The following EPAS1 variants were observed in gnomAD, a reference collection of about 807,000 sequenced individuals.
The protein encoded by EPAS1 is endothelial PAS domain-containing protein 1.
Under a neutral mutation model 87.9 loss-of-function variants are expected in EPAS1, and 23 were observed. That is an observed-to-expected ratio of 0.26 (90% CI 0.19 to 0.37). The LOEUF is 0.37. Among genes scored for constraint, EPAS1 ranks in the 10% least tolerant of loss-of-function variants. EPAS1 has a pLI of 1.00. For missense variants in EPAS1, 1,138 were observed against 1,120.7 expected (o/e 1.02, Z -0.22); for synonymous variants, 508 against 444.3 (o/e 1.14, Z -1.80).
chr2:46,356,129 TCCCAC>T lies in EPAS1; in HGVS notation c.218-18_218-14del. The T allele has an allele frequency of 2.9e-5, 36 of 1,242,240 alleles. No homozygotes were observed. The highest frequency in any genetic ancestry group is 3.8e-5 in the Non-Finnish European group (34 of 884,750). The allele number at this position is 1,242,240 out of a possible 1,614,324, so 77.0% of individuals were successfully genotyped here. ...TTTCACTCCACATTCATGCAAGCTG[TCCCAC>T]CCCCCCCCCTTTCCAGTTTGCTCTG... On this transcript the variant is annotated splice_polypyrimidine_tract_variant and intron_variant, in intron 2 of 15. Coordinates refer to ENST00000263734, the MANE Select transcript of EPAS1 (RefSeq NM_001430.5).
In EPAS1 at chr2:46,376,534, A is replaced by AT. The variant is rs746166920; in HGVS notation, c.1035-3dup. The AT allele has an allele frequency of 1.2e-6, 2 of 1,613,890 alleles. No homozygotes were observed. The highest frequency in any genetic ancestry group is 4.5e-5 in the East Asian group (2 of 44,884). ...AAGTCTGAATGGCTCTTTCCCCCCC[A>AT]TTAGTGAGATTGAGAAGAATGACGT... On this transcript the variant is annotated splice_region_variant and splice_polypyrimidine_tract_variant and intron_variant, in intron 8 of 15. Coordinates refer to ENST00000263734, the MANE Select transcript of EPAS1 (RefSeq NM_001430.5).
chr2:46,324,242 T>C (rs1683510137), intron 1 of EPAS1, among the ~76,000 whole-genome samples: 1 of 152,126 alleles, frequency 6.6e-6, no homozygotes, highest in South Asian at 2.1e-4. Flanking sequence ...AATTTTTTTG[T>C]ATTTTTAGTA....
rs137876262 is a variant in EPAS1, at chr2:46,384,546, C to G, written c.2499C>G (p.Ser833=). 10 of 1,614,214 alleles carry G rather than the reference C, an allele frequency of 6.2e-6. No individual in the cohort carries two copies. Among genetic ancestry groups the G allele is most frequent in the Middle Eastern group, 1.6e-4 (1 of 6,062 alleles). Residue 833 remains serine, a synonymous_variant, in exon 16 of 16, where the codon TCC becomes TCG. Transcript: ENST00000263734. ...ASRLLGPSFE[S]YLLPELTRYD... ...GGCTGCTCGGGCCCTCATTTGAGTC[C>G]TACCTGCTGCCCGAACTGACCAGAT... is the stretch of plus-strand genomic sequence containing the variant.
In EPAS1 at chr2:46,329,216, G is replaced by A. The variant is rs762117550; in HGVS notation, c.27-17657G>A. Among the ~76,000 whole-genome samples the A allele has an allele frequency of 2.0e-5, 3 of 152,318 alleles. No individual in the cohort carries two copies. The South Asian group carries it at 6.2e-4, about 32-fold the overall frequency. Reference sequence around the variant, plus strand: ...GTCTGAAAGTGAAGCGCTAGGATTGGTTACTGACTCTGGTTCAGGGATTGT... The same window carrying A: ...GTCTGAAAGTGAAGCGCTAGGATTGATTACTGACTCTGGTTCAGGGATTGT... On this transcript the variant is annotated intron_variant, in intron 1 of 15. Coordinates refer to ENST00000263734, the MANE Select transcript of EPAS1 (RefSeq NM_001430.5).
In EPAS1 at chr2:46,346,236, A is replaced by G. The variant is rs1684021408; in HGVS notation, c.27-637A>G. On this transcript the variant is annotated intron_variant, in intron 1 of 15. Transcript: ENST00000263734. The surrounding 1 kb of genome is among the most constrained non-coding windows in gnomAD (Gnocchi z 4.0). The stretch of plus-strand genomic sequence containing the variant: ...TATGCTGGCAGGGCTTAGAGAGAAA[A>G]TGTTTGTGCCCACTCCTTTTTAATC... Among the ~76,000 whole-genome samples the G allele has an allele frequency of 6.6e-6, 1 of 152,188 alleles. No homozygotes were observed. Among genetic ancestry groups the G allele is most frequent in the African/African-American group, 2.4e-5 (1 of 41,436 alleles).
rs370158363 is a variant in EPAS1, at chr2:46,381,837, G to C, written c.2172+115G>C. The C allele has an allele frequency of 1.4e-4, 215 of 1,566,114 alleles. 1 individual carries two copies. The African/African-American group carries it at 2.3e-3, about 17-fold the overall frequency. On this transcript the variant is annotated intron_variant, in intron 13 of 15. Transcript: ENST00000263734. ...GCCAGCATAGCCCTTAGGGAACCCA[G>C]GGCTGCTGAGAGGGGTGGGGATGTG...
intron 1 of EPAS1, among the ~76,000 whole-genome samples, chr2:46,332,288 A>T (rs1558590607): frequency 8.7e-6 from 1 of 115,002 alleles, no homozygotes; most frequent in South Asian, 2.9e-4. Context: ...AAAAAAAAAA[A>T]TACGTGTGTG....
At chr2:46,367,559 T>G (rs1011229603) in intron 6 of EPAS1, among the ~76,000 whole-genome samples, 1 of 152,232 alleles carries the variant, frequency 6.6e-6, no homozygotes, top group Admixed American at 6.5e-5. Context: ...AAGGTGTACT[T>G]GGGCGCCAGC....
In EPAS1 at chr2:46,369,815, T is replaced by C; in HGVS notation, c.780-12T>C. 1.2e-6 allele frequency: 2 copies of C among 1,607,350 alleles called. No individual in the cohort carries two copies. The highest frequency in any genetic ancestry group is 8.5e-7 in the Non-Finnish European group (1 of 1,175,418). ...TCTTTCTTCCTTACATGCTGCCTTT[T>C]TAAAAACTCAGAATCACAGAACTGA... On this transcript the variant is annotated splice_polypyrimidine_tract_variant and intron_variant, in intron 6 of 15. Coordinates refer to ENST00000263734, the MANE Select transcript of EPAS1 (RefSeq NM_001430.5).
intron 1 of EPAS1, among the ~76,000 whole-genome samples, chr2:46,313,717 C>T (rs1276628612): frequency 6.6e-6 from 1 of 152,174 alleles, no homozygotes; most frequent in African/African-American, 2.4e-5. Flanking sequence ...TCCCAAAGTG[C>T]TGGGATTACA....
chr2:46,365,631 G>A (rs541929816), intron 6 of EPAS1, among the ~76,000 whole-genome samples: 8 of 152,294 alleles, frequency 5.3e-5, no homozygotes, highest in South Asian at 2.1e-4. Context: ...TGGATTTCCC[G>A]TTAATTACAG....
At chr2:46,376,463 G>A in intron 8 of EPAS1, 76 bp from the exon 9 acceptor site, 1 of 1,432,840 alleles carries the variant, frequency 7.0e-7, no homozygotes, top group Non-Finnish European at 9.8e-7. Context: ...TAGCTATGAG[G>A]GTTTCCATGC....
chr2:46,370,803 G>C (rs897638634), intron 7 of EPAS1, among the ~76,000 whole-genome samples: 2 of 152,176 alleles, frequency 1.3e-5, no homozygotes, highest in African/African-American at 4.8e-5. Context: ...GCTTCCTATA[G>C]GCAGGTGATC....
At chr2:46,298,038 G>T in intron 1 of EPAS1, 101 bp downstream of exon 1, 1 of 1,438,716 alleles carries the variant, frequency 7.0e-7, no homozygotes, top group Non-Finnish European at 9.6e-7. Flanking sequence ...AGTGCTGAGA[G>T]GTCTTCGGAG....
intron 7 of EPAS1, among the ~76,000 whole-genome samples, chr2:46,374,683 G>A (rs1370896616): frequency 6.6e-6 from 1 of 152,124 alleles, no homozygotes; most frequent in Non-Finnish European, 1.5e-5. Context: ...CTTCTGAGCT[G>A]GAGTTCTGTA....
rs1186094720 is a variant in EPAS1 at position 46,300,199 on chromosome 2, T to A, written c.26+2262T>A. On this transcript the variant is annotated intron_variant, in intron 1 of 15. Transcript: ENST00000263734. The surrounding 1 kb of genome is among the most constrained non-coding windows in gnomAD (Gnocchi z 4.1). ...AATTAAAATATGTGAACCAATACAT[T>A]GAAAGTTGGTGTTGTCATGTAAGTG... is the stretch of plus-strand genomic sequence containing the variant. 6.6e-6 allele frequency among the ~76,000 whole-genome samples: 1 copy of A among 152,208 alleles called. No homozygotes were observed. Among genetic ancestry groups the A allele is most frequent in the Non-Finnish European group, 1.5e-5 (1 of 68,038 alleles).
chr2:46,302,395 G>C (rs569800786), intron 1 of EPAS1, among the ~76,000 whole-genome samples: 1 of 152,066 alleles, frequency 6.6e-6, no homozygotes, highest in Non-Finnish European at 1.5e-5. Context: ...ATGCCAACCT[G>C]CTAGTTTCCC....
In EPAS1 at chr2:46,356,181, C is replaced by T. The variant is rs1415532082; in HGVS notation, c.248C>T (p.Ala83Val). 6 of 1,567,144 alleles carry T rather than the reference C, an allele frequency of 3.8e-6. No individual in the cohort carries two copies. The highest frequency in any genetic ancestry group is 5.2e-6 in the Non-Finnish European group (6 of 1,149,030). The change falls in exon 3 of 16, where the codon GCT (alanine) becomes GTT (valine). Residue 83 changes from alanine to valine, a missense_variant. By Grantham distance (64) the Ala-to-Val change is moderately conservative (BLOSUM62 0). This residue lies in a region of EPAS1 where 351 missense variants were observed against 417.1 expected (regional missense o/e 0.84). Coordinates refer to ENST00000263734, the MANE Select transcript of EPAS1 (RefSeq NM_001430.5). ...VCSENESEAE[A>V]DQQMDNLYLK... ...TCTGAAAACGAGTCCGAAGCCGAAG[C>T]TGACCAGCAGATGGACAACTTGTAC...
rs1684650189 is a variant in EPAS1 at position 46,372,627 on chromosome 2, C to G, written c.886+2694C>G. On this transcript the variant is annotated intron_variant, in intron 7 of 15. Transcript: ENST00000263734. Reference sequence around the variant, plus strand: ...TATGTGCTTTTAGGCTTTTTATGGCCTTTAATCTTATTTTCCTATCTATTA... The same window carrying G: ...TATGTGCTTTTAGGCTTTTTATGGCGTTTAATCTTATTTTCCTATCTATTA... Among the ~76,000 whole-genome samples, 15 of 152,306 alleles carry G rather than the reference C, an allele frequency of 9.8e-5. 1 individual carries two copies. In the South Asian group the frequency reaches 3.1e-3, roughly 32 times the overall value.
Sources: gnomAD v4.1 joint callset for allele counts (sites outside exome capture counted in the v4.1 genomes callset) on GRCh38, gnomAD v4.1.1 for gene constraint, gnomAD v4.1.1 regional missense constraint, Gnocchi (gnomAD v3.1) non-coding constraint, MANE v1.5 for transcripts, NCBI Gene and HGNC (gene_info 2026-07-23, HGNC 2026-07-21) for gene names.